OTUD7A: variants seen among roughly 807,000 people sequenced by gnomAD.
OTUD7A encodes the protein OTU domain-containing protein 7A.
OTUD7A carries 12 observed loss-of-function variants against 65.7 expected under a neutral mutation model. The observed-to-expected ratio is 0.18, with a 90% CI of 0.12 to 0.30. The LOEUF (loss-of-function observed/expected upper bound fraction) is 0.30. Ranked by LOEUF, OTUD7A falls within the 10% of genes least tolerant of loss-of-function variation. The pLI is 1.00. For synonymous variants in OTUD7A, 641 were observed against 586.3 expected (o/e 1.09, Z -1.35); for missense variants, 1,148 against 1,304.8 (o/e 0.88, Z 1.85).
At chr15:31,862,405 T>C (rs1897765770) in intron 1 of OTUD7A, among the ~76,000 whole-genome samples, 1 of 152,176 alleles carries the variant, frequency 6.6e-6, no homozygotes, top group Non-Finnish European at 1.5e-5. Flanking sequence ...CTTGTATTAG[T>C]TCATTTTCAC....
At chr15:31,496,242 G>C (rs1385576699) in intron 10 of OTUD7A, among the ~76,000 whole-genome samples, 1 of 144,528 alleles carries the variant, frequency 6.9e-6, no homozygotes, top group Non-Finnish European at 1.5e-5. Flanking sequence ...TTTTTTTTGA[G>C]ATGGAGTCTC....
intron 1 of OTUD7A, among the ~76,000 whole-genome samples, chr15:31,862,312 A>G (rs563657867): frequency 1.3e-5 from 2 of 152,342 alleles, no homozygotes; most frequent in African/African-American, 4.8e-5. Context: ...CCTGAGATAC[A>G]GGAGACATAA....
intron 12 of OTUD7A, among the ~76,000 whole-genome samples, chr15:31,486,649 T>C (rs2041241598): frequency 6.6e-6 from 1 of 152,078 alleles, no homozygotes; most frequent in Admixed American, 6.5e-5. Context: ...CGTAGGCCCC[T>C]CTCCTCACCT....
chr15:31,838,537 G>GA (rs1291676517), intron 1 of OTUD7A, among the ~76,000 whole-genome samples: 1 of 152,066 alleles, frequency 6.6e-6, no homozygotes, highest in African/African-American at 2.4e-5. Flanking sequence ...CTCTCTCCAG[G>GA]AAGCCTGCAG....
intron 1 of OTUD7A, among the ~76,000 whole-genome samples, chr15:31,679,566 A>G (rs1165654796): frequency 4.6e-5 from 7 of 152,068 alleles, no homozygotes; most frequent in Admixed American, 1.3e-4. Flanking sequence ...TTCTCATGAG[A>G]TATGATGGCT....
intron 1 of OTUD7A, among the ~76,000 whole-genome samples, chr15:31,869,960 A>G (rs1897981463): frequency 6.6e-6 from 1 of 152,084 alleles, no homozygotes; most frequent in Non-Finnish European, 1.5e-5. Flanking sequence ...CCTGCTGTCC[A>G]GCGAGACCCA....
In OTUD7A at chr15:31,526,429, C is replaced by A. The variant is rs371813913; in HGVS notation, c.813G>T (p.Glu271Asp). The A allele has an allele frequency of 6.2e-7, 1 of 1,601,810 alleles. No homozygotes were observed. The highest frequency in any genetic ancestry group is 8.5e-7 in the Non-Finnish European group (1 of 1,178,934). The stretch of plus-strand genomic sequence containing the variant: ...GCTTCAGCAGCTCCGTCCACTCCCG[C>A]TCCCACTCCTCCTCTGTGTACACCA... ...SGLVYTEEEW[E>D]REWTELLKLA... The change falls in exon 8 of 13, where the codon GAG (glutamate) becomes GAT (aspartate). Residue 271 changes from glutamate to aspartate, a missense_variant. Transcript: ENST00000307050.
chr15:31,647,193 C>A, intron 3 of OTUD7A, among the ~76,000 whole-genome samples: 1 of 150,964 alleles, frequency 6.6e-6, no homozygotes, highest in Non-Finnish European at 1.5e-5. Flanking sequence ...GGCCATCACA[C>A]CTTGTGGTCG....
chr15:31,726,103 C>T (rs893854666), intron 1 of OTUD7A, among the ~76,000 whole-genome samples: 1 of 151,320 alleles, frequency 6.6e-6, no homozygotes, highest in East Asian at 1.9e-4. Context: ...AATATTCAAG[C>T]GCCCAAGACT....
At chr15:31,546,947 G>GATGTGAGTTTCTTGTCTGAGTCCTTGTT (rs1259289846) in intron 5 of OTUD7A, among the ~76,000 whole-genome samples, 1 of 152,200 alleles carries the variant, frequency 6.6e-6, no homozygotes, top group East Asian at 1.9e-4. Flanking sequence ...CACTTTTCTT[G>GATGTGAGTTTCTTGTCTGAGTCCTTGTT]ATGTGAGTTT....
At chr15:31,643,126 A>G (rs932007594) in intron 3 of OTUD7A, among the ~76,000 whole-genome samples, 1 of 152,064 alleles carries the variant, frequency 6.6e-6, no homozygotes. Flanking sequence ...ATTTTTCCAC[A>G]GCTCACAGAT....
intron 3 of OTUD7A, among the ~76,000 whole-genome samples, chr15:31,615,151 C>T (rs958596004): frequency 1.4e-4 from 21 of 152,238 alleles, no homozygotes; most frequent in Non-Finnish European, 2.9e-4. Context: ...TCAGTTATCA[C>T]ATCCAATGTA....
At chr15:31,512,015 A>G (rs1161601860) in intron 8 of OTUD7A, among the ~76,000 whole-genome samples, 1 of 151,972 alleles carries the variant, frequency 6.6e-6, no homozygotes, top group African/African-American at 2.4e-5. Flanking sequence ...ACCACCTCCC[A>G]TGGCTTTTTG....
In OTUD7A at chr15:31,776,593, G is replaced by C. The variant is rs187959600; in HGVS notation, c.-100+93914C>G. 1.8e-3 allele frequency among the ~76,000 whole-genome samples: 270 copies of C among 152,298 alleles called. 2 individuals are homozygous for C. The highest frequency in any genetic ancestry group is 6.2e-3 in the African/African-American group (259 of 41,552). ...GACAGGGGCATCCCAATTCAGTGGA[G>C]ACCTGCCTTCCTCTACTAAAGCTAC... On this transcript the variant is annotated intron_variant, in intron 1 of 12. Coordinates refer to ENST00000307050, the MANE Select transcript of OTUD7A (RefSeq NM_001382637.1).
chr15:31,851,749 T>C (rs1309293488), intron 1 of OTUD7A, among the ~76,000 whole-genome samples: 1 of 152,192 alleles, frequency 6.6e-6, no homozygotes, highest in Non-Finnish European at 1.5e-5. Flanking sequence ...CAGTTACACA[T>C]CCCCATGATT....
intron 10 of OTUD7A, among the ~76,000 whole-genome samples, chr15:31,494,303 G>C (rs1373483626): frequency 2.6e-5 from 4 of 152,162 alleles, no homozygotes; most frequent in Admixed American, 1.3e-4. Context: ...CAACAGGCAC[G>C]AGAGCGCTCT....
chr15:31,691,252 G>A (rs1011792214), intron 1 of OTUD7A, among the ~76,000 whole-genome samples: 4 of 152,152 alleles, frequency 2.6e-5, no homozygotes, highest in African/African-American at 9.7e-5. Flanking sequence ...AAATTCATAT[G>A]AAACCACAAA....
At chr15:31,629,722 C>T (rs1414821456) in intron 3 of OTUD7A, among the ~76,000 whole-genome samples, 2 of 152,140 alleles carry the variant, frequency 1.3e-5, no homozygotes, top group Non-Finnish European at 2.9e-5. Flanking sequence ...CCATCTGGTC[C>T]TGGACGTTTT....
At chr15:31,638,248 T>C (rs1467576542) in intron 3 of OTUD7A, among the ~76,000 whole-genome samples, 6 of 152,206 alleles carry the variant, frequency 3.9e-5, no homozygotes, top group African/African-American at 1.2e-4. Context: ...AAAAAGATTA[T>C]GACTCACTGA....
Sources: allele counts gnomAD v4.1 joint callset (sites outside exome capture counted in the v4.1 genomes callset), GRCh38; gene constraint gnomAD v4.1.1; transcripts MANE v1.5; gene names NCBI Gene and HGNC (gene_info 2026-07-23, HGNC 2026-07-21).